Variants in CALN1 observed in about 807,000 individuals in gnomAD.
The protein encoded by CALN1 is calneuron 1.
In CALN1, 17 loss-of-function variants were observed where a neutral mutation model predicts 30.6. The observed-to-expected ratio is 0.56, with a 90% confidence interval of 0.38 to 0.83. The LOEUF (loss-of-function observed/expected upper bound fraction) is 0.83, where lower values mean the gene tolerates loss of function less well. CALN1 is among the 40% of genes least tolerant of loss of function. The pLI, the probability that CALN1 is intolerant of heterozygous loss-of-function variation, is 0.00. For missense variants in CALN1, 291 were observed against 354.9 expected, an observed-to-expected ratio of 0.82 and a Z score of 1.45; for synonymous variants, 156 against 131.4, an observed-to-expected ratio of 1.19 and a Z score of -1.28.
At chr7:72,200,684 T>C (rs875499) in intron 3 of CALN1, among the ~76,000 whole-genome samples, 76,860 of 151,812 alleles carry the variant, frequency 0.51, 21,780 homozygotes, top group East Asian at 0.96. Context: ...AAAACACACA[T>C]GGAGACAAAG....
chr7:72,097,702 A>G (rs927410476), intron 4 of CALN1, among the ~76,000 whole-genome samples: 5 of 149,802 alleles, frequency 3.3e-5, no homozygotes, highest in South Asian at 2.1e-4. Flanking sequence ...TTTTTTGACT[A>G]TTTTTTTTTC....
intron 5 of CALN1, among the ~76,000 whole-genome samples, chr7:72,006,353 G>C (rs1668180963): frequency 6.6e-6 from 1 of 152,034 alleles, no homozygotes; most frequent in African/African-American, 2.4e-5. Flanking sequence ...TAATTTAGGA[G>C]ATAAAATATA....
At chr7:72,504,111 C>G in the CALN1 span, among the ~76,000 whole-genome samples, 5 of 152,204 alleles carry the variant, frequency 3.3e-5, no homozygotes, top group Admixed American at 3.3e-4. Context: ...GGGAGACTCA[C>G]ATCACAGTGA....
chr7:72,409,187 T>G (rs1806928702), intron 1 of CALN1, among the ~76,000 whole-genome samples: 1 of 151,672 alleles, frequency 6.6e-6, no homozygotes, highest in Non-Finnish European at 1.5e-5. Flanking sequence ...GTAGAGACAG[T>G]GTTTCACCAT....
chr7:72,403,249 G>C lies in CALN1; in HGVS notation c.119+2C>G, dbSNP rs1355931969. 1 of 1,547,432 alleles carries C rather than the reference G, an allele frequency of 6.5e-7. No individual in the cohort carries two copies. Among genetic ancestry groups the C allele is most frequent in the East Asian group, 2.4e-5 (1 of 40,954 alleles). On this transcript the variant is annotated splice_donor_variant, in intron 2 of 6. Transcript: ENST00000395275. LOFTEE classifies it high-confidence loss of function. ...CCTTGGGTTTGGGGGAAGAAGACTT[G>C]CCAGGTGGGGAAGTCGGGGGCCTGG...
intron 4 of CALN1, among the ~76,000 whole-genome samples, chr7:72,056,973 C>T (rs939778868): frequency 1.3e-5 from 2 of 152,112 alleles, no homozygotes; most frequent in Non-Finnish European, 2.9e-5. Flanking sequence ...CAAGGTCTCA[C>T]TCTGTTGCTT....
intron 2 of CALN1, among the ~76,000 whole-genome samples, chr7:72,394,833 T>A (rs1327294379): frequency 6.6e-6 from 1 of 151,950 alleles, no homozygotes; most frequent in Non-Finnish European, 1.5e-5. Context: ...TTTATTTTAT[T>A]TTTTTGTAGA....
intron 2 of CALN1, chr7:72,336,834 C>A (rs1006939007): frequency 5.1e-6 from 5 of 985,082 alleles, no homozygotes; most frequent in Non-Finnish European, 6.0e-6. Flanking sequence ...CTCAGCCTCT[C>A]GCTCACACCC....
chr7:71,895,413 T>A (rs1793482129), intron 5 of CALN1, among the ~76,000 whole-genome samples: 1 of 152,152 alleles, frequency 6.6e-6, no homozygotes, highest in Non-Finnish European at 1.5e-5. Context: ...TTGTTTTGAT[T>A]TCATAGAATT....
At chr7:71,799,831 G>A (rs752718840) in intron 6 of CALN1, among the ~76,000 whole-genome samples, 48 of 151,954 alleles carry the variant, frequency 3.2e-4, no homozygotes, top group Non-Finnish European at 5.6e-4. Context: ...TGCTGTGAAG[G>A]GTCCCCAAAC....
intron 2 of CALN1, chr7:72,337,023 C>T: frequency 9.1e-6 from 9 of 985,622 alleles, no homozygotes; most frequent in Non-Finnish European, 1.1e-5. Flanking sequence ...GACGTGTGCC[C>T]CGCACCCCCT....
intron 2 of CALN1, among the ~76,000 whole-genome samples, chr7:72,322,339 G>C (rs1800939747): frequency 6.6e-6 from 1 of 152,142 alleles, no homozygotes; most frequent in Non-Finnish European, 1.5e-5. Context: ...TAAGCAATGG[G>C]GAGTGGCTGT....
At chr7:72,432,310 G>A (rs1808004576) in intron 1 of CALN1, among the ~76,000 whole-genome samples, 2 of 152,178 alleles carry the variant, frequency 1.3e-5, no homozygotes, top group Non-Finnish European at 1.5e-5. Flanking sequence ...CCCCAGCCAT[G>A]TGGAACTTTG....
chr7:72,024,772 C>G (rs1800945134), intron 4 of CALN1, among the ~76,000 whole-genome samples: 1 of 151,160 alleles, frequency 6.6e-6, no homozygotes, highest in Non-Finnish European at 1.5e-5. Context: ...TCTTTTGCAT[C>G]AATTTGTCCC....
chr7:72,000,891 C>G (rs1298600569), intron 5 of CALN1, among the ~76,000 whole-genome samples: 1 of 152,194 alleles, frequency 6.6e-6, no homozygotes, highest in East Asian at 1.9e-4. Context: ...GGAGAGGGTT[C>G]CCTCTCGACC....
At chr7:72,397,749 CA>C (rs1806071354) in intron 2 of CALN1, among the ~76,000 whole-genome samples, 2 of 149,720 alleles carry the variant, frequency 1.3e-5, no homozygotes, top group Non-Finnish European at 3.0e-5. Context: ...CACACACACA[CA>C]CCTTGCTCCA....
chr7:72,066,089 C>T (rs144051381), intron 4 of CALN1, among the ~76,000 whole-genome samples: 8 of 152,326 alleles, frequency 5.3e-5, no homozygotes, highest in Admixed American at 2.6e-4. Flanking sequence ...CTGCTCTTGT[C>T]ACACTTTTCT....
intron 5 of CALN1, among the ~76,000 whole-genome samples, chr7:71,893,721 T>C (rs1371505996): frequency 6.7e-6 from 1 of 148,712 alleles, no homozygotes; most frequent in African/African-American, 2.5e-5. Context: ...AAGAATAAGG[T>C]GCTTCTGCAA....
chr7:72,280,697 T>C (rs1035739992), intron 2 of CALN1, among the ~76,000 whole-genome samples: 2 of 152,180 alleles, frequency 1.3e-5, no homozygotes, highest in African/African-American at 4.8e-5. Flanking sequence ...ATAATGTGAA[T>C]GTCTCCCCAA....
Sources: gnomAD v4.1 joint callset for allele counts (sites outside exome capture counted in the v4.1 genomes callset) on GRCh38, gnomAD v4.1.1 for gene constraint, MANE v1.5 for transcripts, NCBI Gene and HGNC (gene_info 2026-07-23, HGNC 2026-07-21) for gene names.